MYH9: variants seen among roughly 807,000 people sequenced by gnomAD.
The protein encoded by MYH9 is myosin heavy chain 9, also known as myosin-9.
A neutral mutation model predicts 241.9 loss-of-function variants in MYH9; 29 were observed. The observed-to-expected ratio is 0.12, with a 90% CI of 0.09 to 0.16. The LOEUF (loss-of-function observed/expected upper bound fraction) is 0.16. MYH9 is among the 10% of genes least tolerant of loss of function. The pLI, the probability that MYH9 is intolerant of heterozygous loss-of-function variation, is 1.00. For missense variants in MYH9, 1,803 were observed against 2,595.5 expected (o/e 0.69, Z 6.63); for synonymous variants, 1,047 against 1,062.6 (o/e 0.99, Z 0.29).
At chr22:36,383,729 G>A (rs1022016924) in intron 1 of MYH9, among the ~76,000 whole-genome samples, 13 of 150,810 alleles carry the variant, frequency 8.6e-5, no homozygotes, top group African/African-American at 3.2e-4. Context: ...AGGCTGAGGC[G>A]GGTAGATCAC....
chr22:36,319,674 G>A, intron 9 of MYH9, 39 bp from the exon 10 acceptor site: 2 of 1,598,088 alleles, frequency 1.3e-6, no homozygotes, highest in Non-Finnish European at 1.7e-6. Flanking sequence ...AGCAGACATG[G>A]GTCATGGTGA....
Position 36,293,519 on chromosome 22 carries a change from G to T in MYH9, c.3943-38C>A. The T allele has an allele frequency of 1.2e-6, 2 of 1,609,462 alleles. No homozygotes were observed. The highest frequency in any genetic ancestry group is 1.1e-5 in the South Asian group (1 of 91,060). On this transcript the variant is annotated intron_variant, in intron 29 of 40. Transcript: ENST00000216181. The surrounding 1 kb of genome is among the most constrained non-coding windows in gnomAD (Gnocchi z 5.1). ...TGAGAGGGGTGCGGGTGCTTAGGAG[G>T]GTGGTGTCCAAAACCCAGGAACCCC...
At chr22:36,289,048 C>A (rs375906895) in intron 32 of MYH9, 37 bp downstream of exon 32, 1 of 1,613,580 alleles carries the variant, frequency 6.2e-7, no homozygotes, top group African/African-American at 1.3e-5. Context: ...CCCACTCGGG[C>A]CCTTCCCAAG....
At chr22:36,287,451 A>AT (rs891579752) in intron 34 of MYH9, among the ~76,000 whole-genome samples, 28 of 148,390 alleles carry the variant, frequency 1.9e-4, no homozygotes, top group African/African-American at 2.5e-4. Context: ...TACACTTAAC[A>AT]TTTTTTTTTT....
intron 23 of MYH9, 31 bp from the exon 24 acceptor site, chr22:36,299,073 T>G: frequency 6.2e-7 from 1 of 1,613,582 alleles, no homozygotes; most frequent in Non-Finnish European, 8.5e-7. Context: ...TGGCATTTAG[T>G]GTTGGTTGAG....
chr22:36,284,292 G>GT, intron 39 of MYH9, 27 bp from the exon 40 acceptor site: 1 of 1,605,714 alleles, frequency 6.2e-7, no homozygotes, highest in Non-Finnish European at 8.5e-7. Flanking sequence ...GTGGCCCGTG[G>GT]CCCCGGTTAG....
At chr22:36,325,839 G>C (rs1323095807) in intron 5 of MYH9, among the ~76,000 whole-genome samples, 1 of 152,232 alleles carries the variant, frequency 6.6e-6, no homozygotes, top group East Asian at 1.9e-4. Context: ...GGAGGTCACT[G>C]TGTGCCACAC....
intron 19 of MYH9, 32 bp downstream of exon 19, chr22:36,303,963 C>T (rs2016929424): frequency 3.7e-6 from 6 of 1,611,756 alleles, no homozygotes; most frequent in Non-Finnish European, 5.1e-6. Flanking sequence ...CAAGGCCTGG[C>T]ATGCGGGGCA....
At chr22:36,324,038 A>G (rs1210255322) in intron 5 of MYH9, among the ~76,000 whole-genome samples, 1 of 152,206 alleles carries the variant, frequency 6.6e-6, no homozygotes, top group African/African-American at 2.4e-5. Flanking sequence ...CTCTCAGAGC[A>G]CAGGCCAGGC....
chr22:36,293,668 G>C lies in MYH9; in HGVS notation c.3942+91C>G. 1 of 1,358,044 alleles carries C rather than the reference G, an allele frequency of 7.4e-7. No individual in the cohort carries two copies. The allele number at this position is 1,358,044 out of a possible 1,614,324, so 84.1% of individuals were successfully genotyped here. ...GATGAAGCAGATGAAGGAGAGGATG[G>C]GCAATCCGATGGGCTCTGAAGCTAA... is the stretch of plus-strand genomic sequence containing the variant. On this transcript the variant is annotated intron_variant, in intron 29 of 40. Transcript: ENST00000216181. The surrounding 1 kb of genome is among the most constrained non-coding windows in gnomAD (Gnocchi z 5.1).
chr22:36,332,536 T>C (rs1055179805), intron 3 of MYH9, among the ~76,000 whole-genome samples: 2 of 151,916 alleles, frequency 1.3e-5, no homozygotes, highest in African/African-American at 4.8e-5. Context: ...CTCGGCCCAG[T>C]GCCTCTGCCC....
At chr22:36,350,340 C>G (rs2017745150) in intron 1 of MYH9, among the ~76,000 whole-genome samples, 1 of 152,164 alleles carries the variant, frequency 6.6e-6, no homozygotes, top group African/African-American at 2.4e-5. Context: ...GAGTTTGAGA[C>G]CAGCCTGACC....
In MYH9 at chr22:36,285,427, C is replaced by T; in HGVS notation, c.5275-98G>A. The stretch of plus-strand genomic sequence containing the variant: ...AGGTGGCAGCAGGATCCCACCAAAC[C>T]CTTGGGGTCCAGAGTCTTGGGTCTC... On this transcript the variant is annotated intron_variant, in intron 37 of 40. Coordinates refer to ENST00000216181, the MANE Select transcript of MYH9 (RefSeq NM_002473.6). This position sits in a 1 kb window ranked among gnomAD's most constrained non-coding sequence, Gnocchi z 7.0. The T allele has an allele frequency of 4.3e-6, 6 of 1,407,510 alleles. No homozygotes were observed. The highest frequency in any genetic ancestry group is 2.3e-5 in the East Asian group (1 of 43,926). The allele number at this position is 1,407,510 out of a possible 1,614,324, so 87.2% of individuals were successfully genotyped here. A position where few individuals can be genotyped will look rare whatever the true frequency, so the allele number is the denominator to read the frequency against.
At position 36,295,444 on chromosome 22, in the gene MYH9, T is replaced by C. The variant is rs974429845; in HGVS notation, c.3485+61A>G. ...TGTGCAGAGGCCCGGGGTCCATGTC[T>C]CCAAGCCAAGGCCCCCCTGGCTGCC... On this transcript the variant is annotated intron_variant, in intron 26 of 40. Transcript: ENST00000216181. This position sits in a 1 kb window ranked among gnomAD's most constrained non-coding sequence, Gnocchi z 4.1. 8.3e-6 allele frequency: 12 copies of C among 1,448,312 alleles called. No individual in the cohort carries two copies. The highest frequency in any genetic ancestry group is 1.1e-5 in the Non-Finnish European group (12 of 1,045,518). 89.7% of individuals were successfully genotyped at this position (1,448,312 alleles called of 1,614,324 possible).
chr22:36,293,254 T>A lies in MYH9; in HGVS notation c.4095+75A>T. The A allele has an allele frequency of 6.3e-7, 1 of 1,597,468 alleles. No homozygotes were observed. Among genetic ancestry groups the A allele is most frequent in the African/African-American group, 1.3e-5 (1 of 74,784 alleles). On this transcript the variant is annotated intron_variant, in intron 30 of 40. Transcript: ENST00000216181. This position sits in a 1 kb window ranked among gnomAD's most constrained non-coding sequence, Gnocchi z 5.1. ...GCCGGCCCAGCGGGCAGGGCTGTCC[T>A]GCAGTGCCCAGGCCAGTGCCCGGCC...
At chr22:36,316,368 A>G (rs878989865) in intron 12 of MYH9, 149 bp downstream of exon 12, 1 of 999,044 alleles carries the variant, frequency 1.0e-6, no homozygotes, top group Non-Finnish European at 1.5e-6. Flanking sequence ...AAAAAAAAAA[A>G]CAACCCCACA....
intron 1 of MYH9, among the ~76,000 whole-genome samples, chr22:36,379,821 G>A (rs1370897406): frequency 2.6e-5 from 4 of 152,206 alleles, no homozygotes; most frequent in African/African-American, 7.2e-5. Context: ...CTGCTCCAGC[G>A]CTTGGCGGGC....
At position 36,281,583 on chromosome 22, in the gene MYH9, G is replaced by T; in HGVS notation, c.*1085C>A. 4.4e-6 allele frequency: 1 copy of T among 229,880 alleles called. No homozygotes were observed. The highest frequency in any genetic ancestry group is 5.7e-5 in the Admixed American group (1 of 17,664). 14.2% of individuals were successfully genotyped at this position (229,880 alleles called of 1,614,324 possible). On this transcript the variant is annotated 3_prime_UTR_variant, in exon 41 of 41. Coordinates refer to ENST00000216181, the MANE Select transcript of MYH9 (RefSeq NM_002473.6). ...ACAGTTAGGAATACAAGTAAATTCG[G>T]CAACCAGTGTAGACCAGTGAGGACG...
chr22:36,288,282 G>C lies in MYH9; in HGVS notation c.4902C>G (p.Asp1634Glu). 6.2e-7 allele frequency: 1 copy of C among 1,614,054 alleles called. No homozygotes were observed. Among genetic ancestry groups the C allele is most frequent in the South Asian group, 1.1e-5 (1 of 91,078 alleles). Reference sequence around the variant, plus strand: ...GCTTCCGCAGCTGTTTGATGGCTTCGTCCCGGTTCTTGTTGGCCGAGTCGA... The same window carrying C: ...GCTTCCGCAGCTGTTTGATGGCTTCCTCCCGGTTCTTGTTGGCCGAGTCGA... ...AHIDSANKNR[D>E]EAIKQLRKLQ... Residue 1634 changes from aspartate (D) to glutamate (E), a missense_variant, in exon 34 of 41, where the codon GAC (aspartate) becomes GAG (glutamate). Transcript: ENST00000216181. This position sits in a 1 kb window ranked among gnomAD's most constrained non-coding sequence, Gnocchi z 4.8.
Sources: gnomAD v4.1 joint callset for allele counts (sites outside exome capture counted in the v4.1 genomes callset) on GRCh38, gnomAD v4.1.1 for gene constraint, Gnocchi (gnomAD v3.1) non-coding constraint, MANE v1.5 for transcripts, NCBI Gene and HGNC (gene_info 2026-07-23, HGNC 2026-07-21) for gene names.